Variants in SGCD observed in about 807,000 individuals in gnomAD.
The protein encoded by SGCD is delta-sarcoglycan.
SGCD carries 18 observed loss-of-function variants against 36.6 expected under a neutral mutation model. The ratio of observed to expected loss-of-function variants is 0.49; its 90% CI spans 0.34 to 0.73. SGCD has a LOEUF of 0.73. SGCD is among the 30% of genes least tolerant of loss of function. The pLI is 0.01. For missense variants in SGCD, 387 were observed against 346.7 expected (o/e 1.12, Z -0.92); for synonymous variants, 133 against 130.6 (o/e 1.02, Z -0.12).
intron 7 of SGCD, among the ~76,000 whole-genome samples, chr5:156,721,570 A>C (rs554849356): frequency 6.6e-6 from 1 of 152,310 alleles, no homozygotes; most frequent in Non-Finnish European, 1.5e-5. Flanking sequence ...AAGGGAGAGA[A>C]ATTAGGCAGT....
the SGCD span, among the ~76,000 whole-genome samples, chr5:155,727,953 C>T: frequency 1.3e-5 from 2 of 152,198 alleles, no homozygotes; most frequent in Non-Finnish European, 2.9e-5. Flanking sequence ...GGCGGAGACA[C>T]GTAGTCGCCT....
chr5:155,925,660 G>A (rs1756981278), intron 1 of SGCD, among the ~76,000 whole-genome samples: 1 of 152,120 alleles, frequency 6.6e-6, no homozygotes, highest in South Asian at 2.1e-4. Flanking sequence ...CTGCTGCCCA[G>A]GCTGTAGTGC....
intron 3 of SGCD, among the ~76,000 whole-genome samples, chr5:156,247,304 TCA>T (rs1765462242): frequency 6.6e-6 from 1 of 152,188 alleles, no homozygotes; most frequent in African/African-American, 2.4e-5. Flanking sequence ...ATGATGAGAC[TCA>T]GTGTAAAAGG....
chr5:156,334,433 C>T, intron 2 of SGCD, among the ~76,000 whole-genome samples: 1 of 152,160 alleles, frequency 6.6e-6, no homozygotes, highest in Non-Finnish European at 1.5e-5. Context: ...TTCTGGTCCT[C>T]ACCTTGCAAC....
intron 3 of SGCD, among the ~76,000 whole-genome samples, chr5:156,494,672 T>C (rs1756101056): frequency 6.6e-6 from 1 of 152,110 alleles, no homozygotes; most frequent in South Asian, 2.1e-4. Context: ...ACACAAATAA[T>C]AAAAAATCCA....
At chr5:156,284,227 A>G (rs1766532126) in intron 3 of SGCD, among the ~76,000 whole-genome samples, 1 of 152,168 alleles carries the variant, frequency 6.6e-6, no homozygotes, top group East Asian at 1.9e-4. Flanking sequence ...ATTCACAGCC[A>G]AATTCTACTA....
chr5:156,510,548 A>G (rs1424072591), intron 4 of SGCD, among the ~76,000 whole-genome samples: 7 of 152,066 alleles, frequency 4.6e-5, no homozygotes, highest in Non-Finnish European at 1.0e-4. Flanking sequence ...CCTTCTATGG[A>G]TGTTGGCATA....
chr5:156,271,756 G>C (rs1766187895), intron 3 of SGCD, among the ~76,000 whole-genome samples: 1 of 152,072 alleles, frequency 6.6e-6, no homozygotes, highest in Non-Finnish European at 1.5e-5. Flanking sequence ...TGATGGATTT[G>C]TGCTCTCCCC....
At chr5:155,797,394 T>C in the SGCD span, among the ~76,000 whole-genome samples, 3 of 152,252 alleles carry the variant, frequency 2.0e-5, no homozygotes, top group Non-Finnish European at 4.4e-5. Flanking sequence ...AACCTAGGTA[T>C]TATCCTGAAT....
chr5:156,382,538 C>T (rs1771042294), intron 3 of SGCD, among the ~76,000 whole-genome samples: 1 of 152,100 alleles, frequency 6.6e-6, no homozygotes, highest in Admixed American at 6.5e-5. Context: ...GATAGTTATT[C>T]AAAACCTAAA....
At chr5:155,798,667 T>C in the SGCD span, among the ~76,000 whole-genome samples, 31 of 152,310 alleles carry the variant, frequency 2.0e-4, no homozygotes, top group South Asian at 6.4e-3. Context: ...ATCTCATCCT[T>C]TGTTTGCGGG....
chr5:156,398,513 T>C (rs1335116952), intron 3 of SGCD, among the ~76,000 whole-genome samples: 1 of 152,190 alleles, frequency 6.6e-6, no homozygotes, highest in Non-Finnish European at 1.5e-5. Context: ...TCTTTATAGT[T>C]ATGCATGGTA....
At chr5:156,649,820 C>T (rs973282283) in intron 7 of SGCD, among the ~76,000 whole-genome samples, 1 of 152,020 alleles carries the variant, frequency 6.6e-6, no homozygotes, top group African/African-American at 2.4e-5. Context: ...ATGTAACAAA[C>T]CTGCACGTTG....
the SGCD span, among the ~76,000 whole-genome samples, chr5:155,805,121 T>C: frequency 6.6e-6 from 1 of 152,208 alleles, no homozygotes; most frequent in African/African-American, 2.4e-5. Flanking sequence ...TGGGTGTACA[T>C]GGAAATTAGG....
chr5:156,759,261 T>C lies in SGCD; in HGVS notation c.744T>C (p.His248=), dbSNP rs1160680799. The C allele has an allele frequency of 1.2e-6, 2 of 1,613,826 alleles. No individual in the cohort carries two copies. Among genetic ancestry groups the C allele is most frequent in the Non-Finnish European group, 8.5e-7 (1 of 1,179,764 alleles). Residue 248 remains histidine, a synonymous_variant, in exon 9 of 9, where the codon CAT becomes CAC. Transcript: ENST00000337851. ...AAKIRLPRLP[H]GSYTPTGTRQ... is the part of the protein sequence containing the mutation. Reference sequence around the variant, plus strand: ...AAATCAGGCTACCTAGACTGCCTCATGGATCCTACACGCCTACAGGAACGA... The same window carrying C: ...AAATCAGGCTACCTAGACTGCCTCACGGATCCTACACGCCTACAGGAACGA...
In SGCD at chr5:156,257,473, C is replaced by CTAAA. The variant is rs967569162; in HGVS notation, c.-43-72044_-43-72041dup. On this transcript the variant is annotated intron_variant, in intron 3 of 9. Coordinates refer to the SGCD transcript ENST00000517913. ...TGGGCGACAGAGCGAGACTCCGTCTCTAAATAAATAAATAAATAAAAATGA... is the reference window on the plus strand; with the variant it reads ...TGGGCGACAGAGCGAGACTCCGTCTCTAAATAAATAAATAAATAAATAAAAATGA... Among the ~76,000 whole-genome samples the CTAAA allele has an allele frequency of 7.2e-5, 11 of 152,024 alleles. No individual in the cohort carries two copies. The South Asian group carries it at 8.3e-4, about 11-fold the overall frequency.
intron 1 of SGCD, among the ~76,000 whole-genome samples, chr5:155,981,598 A>G (rs1412090731): frequency 2.0e-5 from 3 of 152,042 alleles, no homozygotes; most frequent in African/African-American, 7.2e-5. Context: ...TACGTTTTCA[A>G]CCTATTTCCC....
At chr5:156,758,022 T>G in intron 8 of SGCD, 2 of 1,145,024 alleles carry the variant, frequency 1.7e-6, no homozygotes, top group Non-Finnish European at 2.2e-6. Context: ...CCAACATAAT[T>G]AAGCTGTATA....
At chr5:155,786,715 A>G in the SGCD span, among the ~76,000 whole-genome samples, 1 of 152,190 alleles carries the variant, frequency 6.6e-6, no homozygotes, top group Non-Finnish European at 1.5e-5. Flanking sequence ...CAGGTTATGT[A>G]TGTTTTAAGC....
Sources: allele counts gnomAD v4.1 joint callset (sites outside exome capture counted in the v4.1 genomes callset), GRCh38; gene constraint gnomAD v4.1.1; transcripts MANE v1.5; gene names NCBI Gene and HGNC (gene_info 2026-07-23, HGNC 2026-07-21).